ARB2A: variants seen among roughly 807,000 people sequenced by gnomAD.
The protein encoded by ARB2A is cotranscriptional regulator ARB2A.
At chr5:93,821,821 G>C in the ARB2A span, among the ~76,000 whole-genome samples, 4 of 151,830 alleles carry the variant, frequency 2.6e-5, no homozygotes, top group Non-Finnish European at 4.4e-5. Context: ...TCCATTGTAT[G>C]AGGTCAGGAA....
chr5:93,961,542 G>C, the ARB2A span, among the ~76,000 whole-genome samples: 1 of 152,128 alleles, frequency 6.6e-6, no homozygotes, highest in Non-Finnish European at 1.5e-5. Context: ...AAATTAGCTA[G>C]GTGTGGTGGT....
chr5:94,068,180 C>T, the ARB2A span, among the ~76,000 whole-genome samples: 2 of 152,170 alleles, frequency 1.3e-5, no homozygotes, highest in African/African-American at 2.4e-5. Flanking sequence ...GAACCTTGGG[C>T]CATGCGGTGA....
At chr5:93,826,469 G>A in the ARB2A span, among the ~76,000 whole-genome samples, 1 of 152,196 alleles carries the variant, frequency 6.6e-6, no homozygotes, top group Admixed American at 6.5e-5. Flanking sequence ...ATTTCCTTCT[G>A]TATGTACCAC....
the ARB2A span, among the ~76,000 whole-genome samples, chr5:93,922,467 G>A: frequency 3.3e-5 from 5 of 150,872 alleles, no homozygotes; most frequent in Non-Finnish European, 5.9e-5. Context: ...TCAGGAGTTC[G>A]AAACCAGACT....
At chr5:93,811,669 A>T in the ARB2A span, among the ~76,000 whole-genome samples, 1 of 152,140 alleles carries the variant, frequency 6.6e-6, no homozygotes, top group African/African-American at 2.4e-5. Context: ...GGAAAAATAT[A>T]TATTTCATGT....
At chr5:93,786,568 A>G in the ARB2A span, among the ~76,000 whole-genome samples, 1 of 152,254 alleles carries the variant, frequency 6.6e-6, no homozygotes, top group Admixed American at 6.5e-5. Flanking sequence ...TTAACCCAGT[A>G]GCAAAGAATT....
At chr5:93,863,789 A>AAATTATC in the ARB2A span, 1 of 152,142 alleles carries the variant, frequency 6.6e-6, no homozygotes, top group South Asian at 2.1e-4. Flanking sequence ...ATATCACTTA[A>AAATTATC]AATTATCCAT....
At chr5:93,778,171 C>T in the ARB2A span, among the ~76,000 whole-genome samples, 34 of 152,036 alleles carry the variant, frequency 2.2e-4, 1 homozygote, top group Non-Finnish European at 4.4e-4. Flanking sequence ...ATAATGTGCT[C>T]TCCTAATCTT....
the ARB2A span, among the ~76,000 whole-genome samples, chr5:94,035,381 C>T: frequency 3.3e-5 from 5 of 152,084 alleles, no homozygotes; most frequent in African/African-American, 1.2e-4. Flanking sequence ...TTGTTATCTG[C>T]TTTGATTTTA....
At chr5:93,740,757 G>C in the ARB2A span, 1 of 1,612,234 alleles carries the variant, frequency 6.2e-7, no homozygotes, top group Non-Finnish European at 8.5e-7. Context: ...AAGCATCATT[G>C]GTTGGTCGAC....
the ARB2A span, among the ~76,000 whole-genome samples, chr5:93,955,696 CA>C: frequency 6.6e-6 from 1 of 152,232 alleles, no homozygotes; most frequent in Non-Finnish European, 1.5e-5. Context: ...TAACTGCCAT[CA>C]AGTTCTACAT....
At chr5:94,013,328 C>T in the ARB2A span, among the ~76,000 whole-genome samples, 1 of 151,954 alleles carries the variant, frequency 6.6e-6, no homozygotes, top group South Asian at 2.1e-4. Flanking sequence ...CACGTGCCCG[C>T]CACCACGCCC....
the ARB2A span, among the ~76,000 whole-genome samples, chr5:94,073,607 A>T: frequency 6.6e-6 from 1 of 152,252 alleles, no homozygotes; most frequent in East Asian, 1.9e-4. Flanking sequence ...AAATTTTCAC[A>T]TTAAGGCTGA....
chr5:93,782,996 T>C, the ARB2A span, among the ~76,000 whole-genome samples: 1 of 152,102 alleles, frequency 6.6e-6, no homozygotes, highest in Non-Finnish European at 1.5e-5. Context: ...GTCTAGTCAA[T>C]TAGATGGAAG....
chr5:94,008,028 A>T, the ARB2A span, among the ~76,000 whole-genome samples: 1 of 152,168 alleles, frequency 6.6e-6, no homozygotes, highest in Non-Finnish European at 1.5e-5. Context: ...TTTCTTTTTT[A>T]AAATAAAATA....
chr5:93,709,431 G>C, the ARB2A span, among the ~76,000 whole-genome samples: 2 of 151,728 alleles, frequency 1.3e-5, no homozygotes, highest in African/African-American at 4.8e-5. Flanking sequence ...TCAGGAGTTC[G>C]AGACAAGCCT....
chr5:93,947,729 A>G, the ARB2A span, among the ~76,000 whole-genome samples: 3 of 129,228 alleles, frequency 2.3e-5, no homozygotes, highest in African/African-American at 8.9e-5. Flanking sequence ...ATGTGTTCTC[A>G]TTGTTCAATT....
chr5:93,987,092 C>T, the ARB2A span, among the ~76,000 whole-genome samples: 1 of 151,776 alleles, frequency 6.6e-6, no homozygotes, highest in African/African-American at 2.4e-5. Flanking sequence ...TAAATATACA[C>T]AAAATTATCA....
the ARB2A span, chr5:93,865,725 C>T: frequency 3.0e-6 from 3 of 985,374 alleles, no homozygotes; most frequent in Non-Finnish European, 3.6e-6. Flanking sequence ...GAATTCAAAC[C>T]TGTTCTCAGT....
Sources: allele counts gnomAD v4.1 joint callset (sites outside exome capture counted in the v4.1 genomes callset), GRCh38; gene constraint gnomAD v4.1.1; transcripts MANE v1.5; gene names NCBI Gene and HGNC (gene_info 2026-07-23, HGNC 2026-07-21).